RBP7: variants seen among roughly 807,000 people sequenced by gnomAD.
RBP7 encodes retinol binding protein 7.
RBP7 carries 13 observed loss-of-function variants against 16.7 expected under a neutral mutation model. The ratio of observed to expected loss-of-function variants is 0.78; its 90% CI spans 0.51 to 1.24. The LOEUF (loss-of-function observed/expected upper bound fraction) is 1.24. Among genes scored for constraint, RBP7 ranks in the 50% most tolerant of loss-of-function variants. The pLI is 0.00. For synonymous variants in RBP7, 54 were observed against 56.2 expected (o/e 0.96, Z 0.17); for missense variants, 145 against 159.5 (o/e 0.91, Z 0.49).
chr1:10,014,100 G>A (rs192447337), intron 3 of RBP7, among the ~76,000 whole-genome samples: 108 of 152,252 alleles, frequency 7.1e-4, no homozygotes, highest in African/African-American at 2.5e-3. Context: ...CCAGAAAATC[G>A]AAGGCATGAT....
intron 3 of RBP7, among the ~76,000 whole-genome samples, chr1:10,012,641 A>AG: frequency 6.6e-6 from 1 of 150,922 alleles, no homozygotes; most frequent in East Asian, 2.0e-4. Flanking sequence ...AAAAAAAAAA[A>AG]GAAAAGGAAG....
chr1:9,998,283 G>A (rs1166064651), intron 1 of RBP7, among the ~76,000 whole-genome samples: 1 of 150,744 alleles, frequency 6.6e-6, no homozygotes, highest in Non-Finnish European at 1.5e-5. Flanking sequence ...TGAGCCACGC[G>A]CCCTGCCACG....
Position 10,015,897 on chromosome 1 carries a change from A to G in RBP7, c.*65A>G, listed in dbSNP as rs1557488803. The G allele has an allele frequency of 1.4e-6, 2 of 1,471,190 alleles. No homozygotes were observed. The highest frequency in any genetic ancestry group is 1.9e-6 in the Non-Finnish European group (2 of 1,051,628). The allele number at this position is 1,471,190 out of a possible 1,614,324, so 91.1% of individuals were successfully genotyped here. On this transcript the variant is annotated 3_prime_UTR_variant, in exon 4 of 4. Coordinates refer to ENST00000294435, the MANE Select transcript of RBP7 (RefSeq NM_052960.3). ...TATGCCAAATTATATTGCAGACTGAACAGACGTTTATCTATCCCATTTGGC... is the reference window on the plus strand; with the variant it reads ...TATGCCAAATTATATTGCAGACTGAGCAGACGTTTATCTATCCCATTTGGC...
chr1:10,015,170 A>G (rs1257052498), intron 3 of RBP7, among the ~76,000 whole-genome samples: 2 of 152,030 alleles, frequency 1.3e-5, no homozygotes, highest in African/African-American at 4.8e-5. Context: ...GGTCAGGCGC[A>G]GTAGCTCATG....
intron 1 of RBP7, among the ~76,000 whole-genome samples, chr1:10,000,871 T>G (rs904067356): frequency 1.3e-5 from 2 of 151,698 alleles, no homozygotes; most frequent in Non-Finnish European, 2.9e-5. Context: ...GAGTAGCTGG[T>G]ATTACAGGTG....
chr1:10,001,387 C>G (rs1642274074), intron 1 of RBP7, among the ~76,000 whole-genome samples: 7 of 152,140 alleles, frequency 4.6e-5, no homozygotes, highest in Admixed American at 4.6e-4. Flanking sequence ...CTCACTGCAG[C>G]CTTCACTTCC....
Position 10,015,934 on chromosome 1 carries a change from G to A in RBP7, c.*102G>A, listed in dbSNP as rs1371522397. ...CTATCCCATTTGGCGACGAGGACTC[G>A]TGGCTGGAGAGAGCCACACAGCGTG... On this transcript the variant is annotated 3_prime_UTR_variant, in exon 4 of 4. Coordinates refer to ENST00000294435, the MANE Select transcript of RBP7 (RefSeq NM_052960.3). The A allele has an allele frequency of 1.5e-5, 17 of 1,098,420 alleles. No individual in the cohort carries two copies. Among genetic ancestry groups the A allele is most frequent in the South Asian group, 5.1e-5 (4 of 77,796 alleles). The allele number at this position is 1,098,420 out of a possible 1,614,324, so 68.0% of individuals were successfully genotyped here. A position where few individuals can be genotyped will look rare whatever the true frequency, so the allele number is the denominator to read the frequency against.
At chr1:10,008,101 C>T (rs1346455212) in intron 2 of RBP7, 72 bp from the exon 3 acceptor site, 3 of 953,192 alleles carry the variant, frequency 3.1e-6, no homozygotes, top group Admixed American at 4.0e-5. Flanking sequence ...GCAAGGGTAA[C>T]TTGGCATTCT....
At chr1:9,998,407 C>CTTTTTTTT (rs772810621) in intron 1 of RBP7, among the ~76,000 whole-genome samples, 11 of 121,590 alleles carry the variant, frequency 9.0e-5, no homozygotes, top group African/African-American at 3.0e-4. Flanking sequence ...TTCTTTCTTT[C>CTTTTTTTT]TTTTTTTTTT....
At chr1:10,000,246 TAG>T (rs1642239474) in intron 1 of RBP7, among the ~76,000 whole-genome samples, 1 of 148,160 alleles carries the variant, frequency 6.7e-6, no homozygotes, top group Admixed American at 6.9e-5. Context: ...ATAATTAAGC[TAG>T]CAGACTGGGC....
chr1:9,998,124 G>T (rs1642206036), intron 1 of RBP7, among the ~76,000 whole-genome samples: 4 of 152,188 alleles, frequency 2.6e-5, no homozygotes, highest in Admixed American at 2.0e-4. Flanking sequence ...AAGTAGCTGG[G>T]ATTACACGCG....
intron 1 of RBP7, among the ~76,000 whole-genome samples, chr1:10,007,350 G>A (rs1390438643): frequency 6.6e-6 from 1 of 152,030 alleles, no homozygotes; most frequent in Non-Finnish European, 1.5e-5. Flanking sequence ...GTCCCAAAGT[G>A]CTGGAATTAC....
In RBP7 at chr1:9,997,327, C is replaced by T. The variant is rs1224080675; in HGVS notation, c.69C>T (p.Ala23=). 1.2e-6 allele frequency: 2 copies of T among 1,610,856 alleles called. No homozygotes were observed. Among genetic ancestry groups the T allele is most frequent in the East Asian group, 4.5e-5 (2 of 44,760 alleles). Residue 23 remains alanine, a synonymous_variant, in exon 1 of 4, where the codon GCC becomes GCT. Coordinates refer to ENST00000294435, the MANE Select transcript of RBP7 (RefSeq NM_052960.3). The surrounding 1 kb of genome is among the most constrained non-coding windows in gnomAD (Gnocchi z 5.9). Reference sequence around the variant, plus strand: ...ACAACTTCGAGGGCTACATGCTGGCCCTAGGTAAGGCGGAGGGGAGGCGGC... The same window carrying T: ...ACAACTTCGAGGGCTACATGCTGGCTCTAGGTAAGGCGGAGGGGAGGCGGC... ...SSDNFEGYML[A]LGIDFATRKI...
chr1:10,015,266 C>A (rs1451768519), intron 3 of RBP7, among the ~76,000 whole-genome samples: 1 of 151,910 alleles, frequency 6.6e-6, no homozygotes, highest in South Asian at 2.1e-4. Flanking sequence ...ATGGTGAAAC[C>A]CCGTCGCTAC....
rs957676590 is a variant in RBP7, at chr1:9,997,411, G to A, written c.73+80G>A. On this transcript the variant is annotated intron_variant, in intron 1 of 3. Transcript: ENST00000294435. The surrounding 1 kb of genome is among the most constrained non-coding windows in gnomAD (Gnocchi z 5.9). ...AGGCGAAGGCGGCCGGGCCGGGCCT[G>A]TAGGTACGTCCTCTGTCCGTGCCTC... 10 of 1,380,034 alleles carry A rather than the reference G, an allele frequency of 7.2e-6. No homozygotes were observed. The highest frequency in any genetic ancestry group is 5.3e-5 in the Admixed American group (3 of 56,550). 85.5% of individuals were successfully genotyped at this position (1,380,034 alleles called of 1,614,324 possible).
chr1:10,014,447 G>A (rs1408519228), intron 3 of RBP7, among the ~76,000 whole-genome samples: 5 of 150,022 alleles, frequency 3.3e-5, no homozygotes, highest in Non-Finnish European at 7.4e-5. Context: ...GTGCAGTGGC[G>A]CAATCTTGGC....
At chr1:10,009,380 G>A (rs891659268) in intron 3 of RBP7, among the ~76,000 whole-genome samples, 6 of 151,870 alleles carry the variant, frequency 4.0e-5, no homozygotes, top group African/African-American at 7.3e-5. Context: ...ACTGCCCTAC[G>A]GCCTGGTGAC....
At chr1:10,000,063 A>G (rs1570728545) in intron 1 of RBP7, among the ~76,000 whole-genome samples, 1 of 148,604 alleles carries the variant, frequency 6.7e-6, no homozygotes, top group East Asian at 2.0e-4. Context: ...CCCCACCTCT[A>G]CTAAAAATAC....
At chr1:10,012,211 C>CAA (rs35228920) in intron 3 of RBP7, among the ~76,000 whole-genome samples, 623 of 50,530 alleles carry the variant, frequency 0.012, 8 homozygotes, top group African/African-American at 0.044. Flanking sequence ...AACTCCATCT[C>CAA]AAAAAAAAAA....
Sources: gnomAD v4.1 joint callset for allele counts (sites outside exome capture counted in the v4.1 genomes callset) on GRCh38, gnomAD v4.1.1 for gene constraint, Gnocchi (gnomAD v3.1) non-coding constraint, MANE v1.5 for transcripts, NCBI Gene and HGNC (gene_info 2026-07-23, HGNC 2026-07-21) for gene names.